Variants in ADAMTSL1 observed in about 807,000 individuals in gnomAD.
ADAMTSL1 encodes ADAMTS-like protein 1.
A neutral mutation model predicts 201.8 loss-of-function variants in ADAMTSL1; 126 were observed. That is an observed-to-expected ratio of 0.62 (90% CI 0.54 to 0.72). The LOEUF is 0.72. Ranked by LOEUF, ADAMTSL1 falls within the 30% of genes least tolerant of loss-of-function variation. The probability of loss-of-function intolerance (pLI) is 0.00; values close to 1 mark genes in which losing one functional copy is unlikely to be tolerated. For missense variants in ADAMTSL1, 2,679 were observed against 2,277.8 expected, an observed-to-expected ratio of 1.18 and a Z score of -3.59; for synonymous variants, 1,121 against 903.4, an observed-to-expected ratio of 1.24 and a Z score of -4.32.
chr9:17,968,338 C>G (rs867069694), intron 1 of ADAMTSL1, among the ~76,000 whole-genome samples: 1 of 152,210 alleles, frequency 6.6e-6, no homozygotes, highest in African/African-American at 2.4e-5. Context: ...TTTCTAAATA[C>G]ATGTCAGAAG....
chr9:18,763,181 C>T (rs900006327), intron 16 of ADAMTSL1, among the ~76,000 whole-genome samples: 27 of 152,244 alleles, frequency 1.8e-4, no homozygotes, highest in South Asian at 1.5e-3. Flanking sequence ...TATTGCCTGT[C>T]TTTTTGATAA....
At chr9:18,600,337 C>T (rs1486360934) in intron 4 of ADAMTSL1, among the ~76,000 whole-genome samples, 1 of 152,186 alleles carries the variant, frequency 6.6e-6, no homozygotes, top group Non-Finnish European at 1.5e-5. Context: ...CAGAGAACCC[C>T]ATCTACTGCC....
At chr9:18,651,471 G>A (rs763686448) in intron 7 of ADAMTSL1, 2 of 152,222 alleles carry the variant, frequency 1.3e-5, no homozygotes, top group African/African-American at 2.4e-5. Context: ...GAAGGTGATC[G>A]ATGAATATCT....
At chr9:18,600,433 G>T (rs1412980072) in intron 4 of ADAMTSL1, among the ~76,000 whole-genome samples, 1 of 152,106 alleles carries the variant, frequency 6.6e-6, no homozygotes, top group East Asian at 1.9e-4. Flanking sequence ...TGACCCTATA[G>T]CCTGTGCTTT....
intron 16 of ADAMTSL1, among the ~76,000 whole-genome samples, chr9:18,761,298 T>C (rs997159431): frequency 6.6e-6 from 1 of 152,234 alleles, no homozygotes; most frequent in Non-Finnish European, 1.5e-5. Flanking sequence ...GCAGAATTTA[T>C]TAATGTGCTT....
intron 5 of ADAMTSL1, among the ~76,000 whole-genome samples, chr9:18,627,101 C>G (rs554680429): frequency 1.3e-5 from 2 of 152,180 alleles, no homozygotes; most frequent in Admixed American, 1.3e-4. Context: ...CCACTTCAGC[C>G]TCCCCAAGTA....
At chr9:18,745,849 A>G (rs569311745) in intron 15 of ADAMTSL1, among the ~76,000 whole-genome samples, 1 of 152,090 alleles carries the variant, frequency 6.6e-6, no homozygotes, top group South Asian at 2.1e-4. Context: ...TTTTTTATGT[A>G]TTTATGTGTT....
intron 1 of ADAMTSL1, among the ~76,000 whole-genome samples, chr9:18,110,504 C>T (rs911076440): frequency 6.6e-6 from 1 of 152,132 alleles, no homozygotes; most frequent in Non-Finnish European, 1.5e-5. Context: ...TGCTTTGTAC[C>T]ACCCTTTGAG....
At chr9:18,026,690 A>T (rs1820710378) in intron 1 of ADAMTSL1, among the ~76,000 whole-genome samples, 1 of 151,874 alleles carries the variant, frequency 6.6e-6, no homozygotes, top group Non-Finnish European at 1.5e-5. Flanking sequence ...TCTTTGACAC[A>T]TTTTGGTATC....
rs79948371 is a variant in ADAMTSL1, at chr9:18,022,229, G to A, written c.87+115307G>A. 1.8e-3 allele frequency among the ~76,000 whole-genome samples: 267 copies of A among 152,202 alleles called. 1 individual carries two copies. In the East Asian group the frequency reaches 0.034, roughly 19 times the overall value. On this transcript the variant is annotated intron_variant, in intron 1 of 29. Transcript: ENST00000680146. ...AACTAGGAGGAAAGAATCTGAAATC[G>A]AATTTGAGCACTGCCAGTACCTCAT...
At chr9:17,991,201 A>G (rs1263050047) in intron 1 of ADAMTSL1, among the ~76,000 whole-genome samples, 2 of 152,202 alleles carry the variant, frequency 1.3e-5, no homozygotes, top group African/African-American at 2.4e-5. Flanking sequence ...ATATGAGGAA[A>G]TTGAATTCCA....
chr9:18,300,376 C>G (rs542145321), intron 2 of ADAMTSL1, among the ~76,000 whole-genome samples: 57 of 151,984 alleles, frequency 3.8e-4, no homozygotes, highest in South Asian at 1.0e-3. Context: ...AAACCAAACA[C>G]CGCACGTCCT....
chr9:18,859,220 T>C (rs539669946), intron 23 of ADAMTSL1, among the ~76,000 whole-genome samples: 98 of 152,322 alleles, frequency 6.4e-4, no homozygotes, highest in African/African-American at 2.3e-3. Flanking sequence ...ACCAAGATGT[T>C]TCCTTCTGGA....
At chr9:18,829,228 C>G (rs544302814) in intron 22 of ADAMTSL1, among the ~76,000 whole-genome samples, 1 of 152,318 alleles carries the variant, frequency 6.6e-6, no homozygotes, top group Non-Finnish European at 1.5e-5. Context: ...TTGTAAGATT[C>G]TGAATGATGA....
At chr9:18,826,150 CA>C in intron 21 of ADAMTSL1, 133 bp from the exon 22 acceptor site, 1 of 1,070,754 alleles carries the variant, frequency 9.3e-7, no homozygotes, top group Non-Finnish European at 1.4e-6. Flanking sequence ...TTAATCTGGC[CA>C]AAGCCTGGTA....
chr9:18,542,882 C>A lies in ADAMTSL1; in HGVS notation c.237+9590C>A, dbSNP rs573001440. Among the ~76,000 whole-genome samples, 4 of 152,312 alleles carry A rather than the reference C, an allele frequency of 2.6e-5. No homozygotes were observed. In the South Asian group the frequency reaches 8.3e-4, roughly 32 times the overall value. ...AAAGATCAGCCTTATTCTATGGCAT[C>A]ATGGGTAATTTCTCCTGATTGTTTT... On this transcript the variant is annotated intron_variant, in intron 3 of 28. Coordinates refer to ENST00000380548, the MANE Select transcript of ADAMTSL1 (RefSeq NM_001040272.6).
chr9:18,684,941 T>C (rs1830732885), intron 13 of ADAMTSL1, 141 bp downstream of exon 13: 5 of 1,402,502 alleles, frequency 3.6e-6, no homozygotes, highest in African/African-American at 2.9e-5. Flanking sequence ...AAATTAAAGA[T>C]TGATTAGTTT....
At chr9:18,019,247 T>C (rs774879594) in intron 1 of ADAMTSL1, among the ~76,000 whole-genome samples, 9 of 152,016 alleles carry the variant, frequency 5.9e-5, no homozygotes, top group Non-Finnish European at 1.3e-4. Context: ...AACAGTAAAA[T>C]GAGAGAAGAG....
chr9:18,445,706 AT>A (rs925927501), intron 2 of ADAMTSL1, among the ~76,000 whole-genome samples: 2 of 152,096 alleles, frequency 1.3e-5, no homozygotes, highest in African/African-American at 4.8e-5. Flanking sequence ...ATCTTGAAAA[AT>A]TTTTTTATCA....
Sources: gnomAD v4.1 joint callset for allele counts (sites outside exome capture counted in the v4.1 genomes callset) on GRCh38, gnomAD v4.1.1 for gene constraint, MANE v1.5 for transcripts, NCBI Gene and HGNC (gene_info 2026-07-23, HGNC 2026-07-21) for gene names.